Variants in SLC25A21 observed in about 807,000 individuals in gnomAD.
SLC25A21 encodes the protein mitochondrial 2-oxodicarboxylate carrier.
Under a neutral mutation model 43.8 loss-of-function variants are expected in SLC25A21, and 47 were observed. The observed-to-expected ratio is 1.07, with a 90% CI of 0.85 to 1.37. SLC25A21 has a LOEUF of 1.37. Ranked by LOEUF, SLC25A21 falls within the 40% of genes most tolerant of loss-of-function variation. SLC25A21 has a pLI of 0.00. For synonymous variants in SLC25A21, 131 were observed against 121.3 expected (o/e 1.08, Z -0.52); for missense variants, 352 against 350.2 (o/e 1.00, Z -0.04).
intron 2 of SLC25A21, among the ~76,000 whole-genome samples, chr14:36,825,088 C>T (rs920601790): frequency 6.6e-6 from 1 of 152,180 alleles, no homozygotes; most frequent in Non-Finnish European, 1.5e-5. Flanking sequence ...TCATAGCTAA[C>T]TGCATCGATA....
intron 7 of SLC25A21, among the ~76,000 whole-genome samples, chr14:36,707,430 T>C (rs982329154): frequency 6.6e-6 from 1 of 152,180 alleles, no homozygotes; most frequent in Non-Finnish European, 1.5e-5. Flanking sequence ...CCAGGAGTCA[T>C]ACTCAGACCT....
At chr14:36,815,528 G>A (rs954322882) in intron 2 of SLC25A21, among the ~76,000 whole-genome samples, 5 of 151,870 alleles carry the variant, frequency 3.3e-5, no homozygotes, top group Non-Finnish European at 7.4e-5. Context: ...CAGGCTACCC[G>A]GATCTTCACA....
chr14:36,887,211 CATAT>C (rs3985278), intron 1 of SLC25A21, among the ~76,000 whole-genome samples: 29,656 of 148,138 alleles, frequency 0.2, 3,345 homozygotes, highest in African/African-American at 0.29. Flanking sequence ...TGTGTGTCTA[CATAT>C]ATATATATAT....
chr14:36,960,329 A>T (rs1368853674), intron 1 of SLC25A21, among the ~76,000 whole-genome samples: 1 of 152,188 alleles, frequency 6.6e-6, no homozygotes, highest in Non-Finnish European at 1.5e-5. Context: ...AATGGCGAAT[A>T]TCTCAGGACT....
chr14:37,002,432 T>C (rs1027616150), intron 1 of SLC25A21, among the ~76,000 whole-genome samples: 15 of 152,200 alleles, frequency 9.9e-5, no homozygotes, highest in African/African-American at 3.6e-4. Flanking sequence ...ACCAGCTTTA[T>C]CTGCATGTAG....
chr14:36,803,956 C>T (rs1173157168), intron 3 of SLC25A21, among the ~76,000 whole-genome samples: 1 of 152,204 alleles, frequency 6.6e-6, no homozygotes, highest in Non-Finnish European at 1.5e-5. Flanking sequence ...TGTCTGGTAA[C>T]TACTCTTTGG....
chr14:37,162,621 C>G (rs1403393615), intron 1 of SLC25A21, among the ~76,000 whole-genome samples: 1 of 152,128 alleles, frequency 6.6e-6, no homozygotes, highest in Non-Finnish European at 1.5e-5. Flanking sequence ...GAAGGGCAAT[C>G]ATTAAGAAGT....
intron 7 of SLC25A21, among the ~76,000 whole-genome samples, chr14:36,703,934 G>A (rs1883386696): frequency 6.6e-6 from 1 of 152,150 alleles, no homozygotes; most frequent in Non-Finnish European, 1.5e-5. Context: ...TTTGAGAAGT[G>A]ATGGCCTGTT....
At chr14:36,736,809 T>C (rs1281506769) in intron 3 of SLC25A21, among the ~76,000 whole-genome samples, 1 of 152,210 alleles carries the variant, frequency 6.6e-6, no homozygotes, top group Non-Finnish European at 1.5e-5. Flanking sequence ...GAAAGGTGTG[T>C]GTTAAGGAAA....
chr14:36,819,038 T>C (rs113517270), intron 2 of SLC25A21, among the ~76,000 whole-genome samples: 51 of 152,186 alleles, frequency 3.4e-4, no homozygotes, highest in African/African-American at 1.2e-3. Flanking sequence ...GTAACTTCTT[T>C]TATTAGGATG....
At chr14:36,692,339 C>T (rs867565113) in intron 7 of SLC25A21, among the ~76,000 whole-genome samples, 33 of 152,284 alleles carry the variant, frequency 2.2e-4, no homozygotes, top group African/African-American at 6.5e-4. Flanking sequence ...ACATCAGAAA[C>T]GTGATCATAT....
At chr14:37,029,718 T>C (rs972054568) in intron 1 of SLC25A21, among the ~76,000 whole-genome samples, 6 of 151,310 alleles carry the variant, frequency 4.0e-5, no homozygotes, top group South Asian at 2.1e-4. Flanking sequence ...AACTGGTATA[T>C]AGCTTTTGAC....
intron 2 of SLC25A21, among the ~76,000 whole-genome samples, chr14:36,818,490 TGCCCCAGTAAA>T (rs1888527449): frequency 6.6e-6 from 1 of 152,218 alleles, no homozygotes; most frequent in Non-Finnish European, 1.5e-5. Flanking sequence ...TAACTGCTAA[TGCCCCAGTAAA>T]GCCTCCCTTC....
intron 2 of SLC25A21, among the ~76,000 whole-genome samples, chr14:36,866,150 T>C (rs1157141132): frequency 6.6e-6 from 1 of 152,096 alleles, no homozygotes; most frequent in Admixed American, 6.5e-5. Context: ...TCTTTAAAAA[T>C]GTTTTTGTTT....
Position 36,678,767 on chromosome 14 carries a change from T to TA in SLC25A21, c.*1890dup, listed in dbSNP as rs552994695. On this transcript the variant is annotated 3_prime_UTR_variant, in exon 10 of 10. Transcript: ENST00000331299. ...TAATTTTTTTCTGGTTCTTGTATTT[T>TA]AAAAAATCTAATATTAATGGTATTG... is the stretch of plus-strand genomic sequence containing the variant. 1.1e-3 allele frequency: 1,226 copies of TA among 1,086,382 alleles called. 2 individuals are homozygous for TA. The highest frequency in any genetic ancestry group is 1.3e-3 in the Non-Finnish European group (1,141 of 886,386). 67.3% of individuals were successfully genotyped at this position (1,086,382 alleles called of 1,614,324 possible). A position where few individuals can be genotyped will look rare whatever the true frequency, so the allele number is the denominator to read the frequency against.
At chr14:37,000,864 G>A (rs942474362) in intron 1 of SLC25A21, among the ~76,000 whole-genome samples, 3 of 152,098 alleles carry the variant, frequency 2.0e-5, no homozygotes, top group Non-Finnish European at 2.9e-5. Context: ...CATCAGCCAT[G>A]ATTGTAAGTT....
intron 2 of SLC25A21, among the ~76,000 whole-genome samples, chr14:36,858,566 C>G (rs1566681177): frequency 6.6e-6 from 1 of 151,988 alleles, no homozygotes; most frequent in Non-Finnish European, 1.5e-5. Flanking sequence ...AATATTGAAC[C>G]CTGAGTTTGT....
chr14:36,712,248 A>C (rs757476860), intron 6 of SLC25A21, among the ~76,000 whole-genome samples: 1 of 151,770 alleles, frequency 6.6e-6, no homozygotes, highest in Non-Finnish European at 1.5e-5. Flanking sequence ...CATGGGTTTA[A>C]AAAAAAATGT....
At chr14:36,884,463 C>T (rs546179040) in intron 1 of SLC25A21, among the ~76,000 whole-genome samples, 1 of 152,164 alleles carries the variant, frequency 6.6e-6, no homozygotes, top group South Asian at 2.1e-4. Context: ...TTCAATATAC[C>T]TATTTCATTT....
Sources: gnomAD v4.1 joint callset for allele counts (sites outside exome capture counted in the v4.1 genomes callset) on GRCh38, gnomAD v4.1.1 for gene constraint, MANE v1.5 for transcripts, NCBI Gene and HGNC (gene_info 2026-07-23, HGNC 2026-07-21) for gene names.